CD209: variants seen among roughly 807,000 people sequenced by gnomAD.
CD209 encodes the protein CD209 molecule.
A neutral mutation model predicts 44.7 loss-of-function variants in CD209; 31 were observed. The observed-to-expected ratio is 0.69, with a 90% CI of 0.52 to 0.94. The LOEUF (loss-of-function observed/expected upper bound fraction) is 0.94. Ranked by LOEUF, CD209 falls within the 40% of genes least tolerant of loss-of-function variation. The pLI, the probability that CD209 is intolerant of heterozygous loss-of-function variation, is 0.00. For synonymous variants in CD209, 173 were observed against 181.3 expected (o/e 0.95, Z 0.37); for missense variants, 407 against 452.4 (o/e 0.90, Z 0.91).
chr19:7,744,905 G>A (rs539829176), intron 5 of CD209, 36 bp downstream of exon 5: 1 of 1,610,894 alleles, frequency 6.2e-7, no homozygotes, highest in African/African-American at 1.3e-5. Flanking sequence ...CAGAAGCCAT[G>A]CCCTAGGCCA....
In CD209 at chr19:7,744,230, CAGG is replaced by C. The variant is rs1555781985; in HGVS notation, c.901-14_901-12del. Reference sequence around the variant, plus strand: ...CAGCTGTAGGAAGTTCTGGAGGGTACAGGAGGAGTCAGGAGGGAGCTCTGCTTC... The same window carrying C: ...CAGCTGTAGGAAGTTCTGGAGGGTACAGGAGTCAGGAGGGAGCTCTGCTTC... On this transcript the variant is annotated splice_polypyrimidine_tract_variant and intron_variant, in intron 5 of 6. Transcript: ENST00000315599. 2 of 1,567,384 alleles carry C rather than the reference CAGG, an allele frequency of 1.3e-6. No individual in the cohort carries two copies. The highest frequency in any genetic ancestry group is 1.8e-6 in the Non-Finnish European group (2 of 1,137,958).
chr19:7,743,129 C>T lies in CD209; in HGVS notation c.1125G>A (p.Trp375Ter), dbSNP rs775055595. The T allele has an allele frequency of 5.0e-6, 8 of 1,614,140 alleles. No individual in the cohort carries two copies. In the South Asian group the frequency reaches 8.8e-5, roughly 18 times the overall value. The change falls in exon 7 of 7, where the codon TGG becomes TGA. Residue 375 changes from tryptophan to a stop codon, truncating the protein, a stop_gained. Transcript: ENST00000315599. LOFTEE classifies it low-confidence loss of function (END_TRUNC). ...NDDKCNLAKF[W>*]ICKKSAASCS... ...AGGAGGCTGCGGACTTTTTGCAGAT[C>T]CAGAATTTGGCAAGATTACATTTGT...
rs200679545 is a variant in CD209 at position 7,747,379 on chromosome 19, C to G, written c.47-14G>C. 1.9e-6 allele frequency: 3 copies of G among 1,614,068 alleles called. No individual in the cohort carries two copies. The highest frequency in any genetic ancestry group is 2.2e-5 in the East Asian group (1 of 44,888). ...GCTGTTCCTCCTCTGAATGGATAGA[C>G]GTGAAATCAGAGCCTGGGCAGGCTG... On this transcript the variant is annotated splice_polypyrimidine_tract_variant and intron_variant, in intron 1 of 6. Coordinates refer to ENST00000315599, the MANE Select transcript of CD209 (RefSeq NM_021155.4).
In CD209 at chr19:7,746,546, A is replaced by G. The variant is rs2033833676; in HGVS notation, c.107-15T>C. On this transcript the variant is annotated splice_polypyrimidine_tract_variant and intron_variant, in intron 2 of 6. Coordinates refer to ENST00000315599, the MANE Select transcript of CD209 (RefSeq NM_021155.4). Reference sequence around the variant, plus strand: ...GCCAAGACACCCTGAGAGAGGATACATGCGTCAGCCTGCCAGTGTCCCCAC... The same window carrying G: ...GCCAAGACACCCTGAGAGAGGATACGTGCGTCAGCCTGCCAGTGTCCCCAC... The G allele has an allele frequency of 1.2e-6, 2 of 1,612,970 alleles. No individual in the cohort carries two copies. Among genetic ancestry groups the G allele is most frequent in the Non-Finnish European group, 1.7e-6 (2 of 1,179,202 alleles).
chr19:7,740,548 A>G lies in CD209; in HGVS notation c.*2491T>C, dbSNP rs1230311713. 4 of 1,131,946 alleles carry G rather than the reference A, an allele frequency of 3.5e-6. No homozygotes were observed. The Admixed American group carries it at 5.1e-5, about 14-fold the overall frequency. The allele number at this position is 1,131,946 out of a possible 1,614,324, so 70.1% of individuals were successfully genotyped here. A position where few individuals can be genotyped will look rare whatever the true frequency, so the allele number is the denominator to read the frequency against. ...AAGAAGGAGAAACGAAAGAAACGCC[A>G]GCAGGAACTTGCTCCACTGAGGGAC... is the stretch of plus-strand genomic sequence containing the variant. On this transcript the variant is annotated 3_prime_UTR_variant, in exon 7 of 7. Transcript: ENST00000315599.
chr19:7,740,410 G>T lies in CD209; in HGVS notation c.*2629C>A, dbSNP rs11465421. On this transcript the variant is annotated 3_prime_UTR_variant, in exon 7 of 7. Transcript: ENST00000315599. ...GAATCTGCGGTTACAATGTTTACCA[G>T]TTTATTATAAAGGATACAACTAGAG... 333,015 of 619,714 alleles carry T rather than the reference G, an allele frequency of 0.54. 91,533 individuals are homozygous for T. Among genetic ancestry groups the T allele is most frequent in the Admixed American group, 0.62 (20,663 of 33,366 alleles). 38.4% of individuals were successfully genotyped at this position (619,714 alleles called of 1,614,324 possible). A position where few individuals can be genotyped will look rare whatever the true frequency, so the allele number is the denominator to read the frequency against.
At chr19:7,746,189 T>A in intron 3 of CD209, 102 bp from the exon 4 acceptor site, 1 of 1,510,404 alleles carries the variant, frequency 6.6e-7, no homozygotes, top group Admixed American at 2.1e-5. Flanking sequence ...GCCAAGGTCT[T>A]GGTTAATCCC....
At chr19:7,746,832 A>T (rs953619190) in intron 2 of CD209, among the ~76,000 whole-genome samples, 2 of 108,848 alleles carry the variant, frequency 1.8e-5, no homozygotes, top group African/African-American at 7.3e-5. Flanking sequence ...CCCAGCTCCC[A>T]CCTCCCCAGG....
rs187051357 is a variant in CD209, at chr19:7,744,954, C to G, written c.887G>C (p.Ser296Thr). ...CACCAGGTGTACCTGCTCCTCAGCA[C>G]TTTTGATTACGACGAGCTGGGCCCC... ...EVGAQLVVIK[S>T]AEEQNFLQLQ... Residue 296 changes from serine (S) to threonine (T), a missense_variant, in exon 5 of 7, where the codon AGT becomes ACT. By Grantham distance (58) the Ser-to-Thr change is moderately conservative. This residue lies in a region of CD209 where 200 missense variants were observed against 202.2 expected (regional missense o/e 0.99). Transcript: ENST00000315599. 8 of 1,614,218 alleles carry G rather than the reference C, an allele frequency of 5.0e-6. No individual in the cohort carries two copies. Among genetic ancestry groups the G allele is most frequent in the Middle Eastern group, 3.3e-4 (2 of 6,062 alleles).
chr19:7,743,388 T>C, intron 6 of CD209, 148 bp from the exon 7 acceptor site: 1 of 724,280 alleles, frequency 1.4e-6, no homozygotes, highest in Non-Finnish European at 2.4e-6. Context: ...TATGCCTGAC[T>C]CACGATGCCT....
chr19:7,741,046 A>G lies in CD209; in HGVS notation c.*1993T>C. The G allele has an allele frequency of 1.3e-6, 1 of 775,960 alleles. No homozygotes were observed. Among genetic ancestry groups the G allele is most frequent in the Non-Finnish European group, 2.3e-6 (1 of 444,036 alleles). 48.1% of individuals were successfully genotyped at this position (775,960 alleles called of 1,614,324 possible). The stretch of plus-strand genomic sequence containing the variant: ...CAGTCCTACCCTTCTTATTAAAAGC[A>G]TGTTTACAGTGTTTGGAAAGGAGCA... On this transcript the variant is annotated 3_prime_UTR_variant, in exon 7 of 7. Coordinates refer to ENST00000315599, the MANE Select transcript of CD209 (RefSeq NM_021155.4).
chr19:7,744,859 G>C lies in CD209; in HGVS notation c.900+82C>G, dbSNP rs2033746524. The C allele has an allele frequency of 3.8e-5, 59 of 1,559,122 alleles. 1 individual carries two copies. In the East Asian group the frequency reaches 1.3e-3, roughly 34 times the overall value. On this transcript the variant is annotated intron_variant, in intron 5 of 6. Coordinates refer to ENST00000315599, the MANE Select transcript of CD209 (RefSeq NM_021155.4). ...CCAAGTGGAGCAAAACCCCTCTTCT[G>C]CAAAGTCATCTCTGAGCACCTCCTC...
Position 7,740,506 on chromosome 19 carries a change from A to T in CD209, c.*2533T>A. ...TTTCCAGAGAAACCAAGCCACAAAA[A>T]GTACAGGGCCGCCCTGAAGAAGGAG... On this transcript the variant is annotated 3_prime_UTR_variant, in exon 7 of 7. Coordinates refer to ENST00000315599, the MANE Select transcript of CD209 (RefSeq NM_021155.4). 1.7e-6 allele frequency: 2 copies of T among 1,150,238 alleles called. No homozygotes were observed. The highest frequency in any genetic ancestry group is 2.5e-5 in the South Asian group (2 of 81,158). The allele number at this position is 1,150,238 out of a possible 1,614,324, so 71.3% of individuals were successfully genotyped here. A position where few individuals can be genotyped will look rare whatever the true frequency, so the allele number is the denominator to read the frequency against.
intron 5 of CD209, 36 bp from the exon 6 acceptor site, chr19:7,744,255 C>T (rs1568511297): frequency 3.4e-6 from 5 of 1,489,750 alleles, no homozygotes; most frequent in East Asian, 2.3e-5. Context: ...GGGAGCTCTG[C>T]TTCCCATTTT....
Position 7,746,079 on chromosome 19 carries a change from C to G in CD209, c.187G>C (p.Val63Leu). 6.2e-7 allele frequency: 1 copy of G among 1,613,964 alleles called. No homozygotes were observed. Residue 63 changes from valine (V) to leucine (L), a missense_variant, in exon 4 of 7, where the codon GTC becomes CTC. Val to Leu is a conservative substitution (Grantham distance 32, BLOSUM62 1). Around this residue, in one of 3 missense-constraint regions of CD209, gnomAD observed 122 missense variants for 110.3 expected, o/e 1.11. Transcript: ENST00000315599. Reference protein sequence around the residue: ...LAGLLVQVSKVPSSISQEQSR... With the variant: ...LAGLLVQVSKLPSSISQEQSR... Reference sequence around the variant, plus strand: ...TGTTCCTGACTTATGGAGCTGGGGACCTTGGACACTGGGCCAAGAAAAAAA... The same window carrying G: ...TGTTCCTGACTTATGGAGCTGGGGAGCTTGGACACTGGGCCAAGAAAAAAA...
At chr19:7,744,333 T>C in intron 5 of CD209, 114 bp from the exon 6 acceptor site, 2 of 763,156 alleles carry the variant, frequency 2.6e-6, no homozygotes, top group South Asian at 3.3e-5. Flanking sequence ...CCTTCTGGTA[T>C]ACTAGGTCCT....
At chr19:7,746,718 T>C (rs1244735220) in intron 2 of CD209, among the ~76,000 whole-genome samples, 187 bp from the exon 3 acceptor site, 3 of 127,956 alleles carry the variant, frequency 2.3e-5, no homozygotes, top group Admixed American at 7.9e-5. Flanking sequence ...GTCCCCAGCC[T>C]CCCCTTCCCC....
Position 7,746,468 on chromosome 19 carries a change from A to G in CD209, c.170T>C (p.Leu57Pro). 6.2e-7 allele frequency: 1 copy of G among 1,613,858 alleles called. No individual in the cohort carries two copies. Among genetic ancestry groups the G allele is most frequent in the Non-Finnish European group, 8.5e-7 (1 of 1,179,832 alleles). The change falls in exon 3 of 7, where the codon CTT becomes CCT. Residue 57 changes from leucine (L) to proline (P), a missense_variant. Leu to Pro is a moderately conservative substitution (Grantham distance 98). Coordinates refer to ENST00000315599, the MANE Select transcript of CD209 (RefSeq NM_021155.4). ...LLSFTLLAGL[L>P]VQVSKVPSSI... ...CAGAACCTGCCCCTGACCTTGGACA[A>G]GGAGCCCAGCCAAGAGCGTGAAGGA...
intron 3 of CD209, among the ~76,000 whole-genome samples, 167 bp downstream of exon 3, chr19:7,746,293 G>T (rs1471560904): frequency 6.6e-6 from 1 of 152,104 alleles, no homozygotes; most frequent in African/African-American, 2.4e-5. Context: ...TCCCTCTCCT[G>T]TCCTGCCCTA....
Sources: allele counts gnomAD v4.1 joint callset (sites outside exome capture counted in the v4.1 genomes callset), GRCh38; gene constraint gnomAD v4.1.1; regional missense constraint gnomAD v4.1.1; transcripts MANE v1.5; gene names NCBI Gene and HGNC (gene_info 2026-07-23, HGNC 2026-07-21).